MINPP1: variants seen among roughly 807,000 people sequenced by gnomAD.
MINPP1 encodes multiple inositol-polyphosphate phosphatase 1, also known as multiple inositol polyphosphate phosphatase 1.
Under a neutral mutation model 46.1 loss-of-function variants are expected in MINPP1, and 28 were observed. That is an observed-to-expected ratio of 0.61 (90% CI 0.45 to 0.83). The LOEUF is 0.83. Among genes scored for constraint, MINPP1 ranks in the 40% least tolerant of loss-of-function variants. The pLI, the probability that MINPP1 is intolerant of heterozygous loss-of-function variation, is 0.00. For synonymous variants in MINPP1, 268 were observed against 249.1 expected (o/e 1.08, Z -0.72); for missense variants, 603 against 610.0 (o/e 0.99, Z 0.12).
intron 1 of MINPP1, chr10:87,507,980 C>T (rs1851277525): frequency 1.5e-6 from 2 of 1,377,774 alleles, no homozygotes; most frequent in Non-Finnish European, 1.9e-6. Context: ...TGAATTCTCT[C>T]TCACCTTGTA....
chr10:87,520,992 A>C, intron 3 of MINPP1, 44 bp from the exon 4 acceptor site: 2 of 771,204 alleles, frequency 2.6e-6, no homozygotes, highest in Non-Finnish European at 4.4e-6. Context: ...GAATCTTGTT[A>C]TATTTTTGAA....
chr10:87,526,765 G>T (rs572318403), intron 4 of MINPP1, among the ~76,000 whole-genome samples: 1 of 152,244 alleles, frequency 6.6e-6, no homozygotes, highest in East Asian at 1.9e-4. Context: ...TCTACATATG[G>T]CTAGCCAGTT....
intron 3 of MINPP1, among the ~76,000 whole-genome samples, chr10:87,517,647 G>A (rs902860568): frequency 6.6e-6 from 1 of 151,982 alleles, no homozygotes; most frequent in Non-Finnish European, 1.5e-5. Context: ...TATCTTTTCA[G>A]TAGACATTGT....
rs541516359 is a variant in MINPP1 at position 87,542,341 on chromosome 10, ACT to A, written c.1068-9736_1068-9735del. On this transcript the variant is annotated intron_variant, in intron 4 of 4. Coordinates refer to ENST00000371996, the MANE Select transcript of MINPP1 (RefSeq NM_004897.5). Reference sequence around the variant, plus strand: ...TCTTTTTTTTTTTAAACAGAGTCTCACTCTCTTGGCCCAGGCTGCATGATCAC... The same window carrying A: ...TCTTTTTTTTTTTAAACAGAGTCTCACTCTTGGCCCAGGCTGCATGATCAC... Among the ~76,000 whole-genome samples the A allele has an allele frequency of 1.6e-4, 23 of 144,302 alleles. No individual in the cohort carries two copies. In the South Asian group the frequency reaches 5.1e-3, roughly 32 times the overall value. 94.7% of individuals were successfully genotyped at this position (144,302 alleles called of 152,430 possible).
intron 4 of MINPP1, among the ~76,000 whole-genome samples, chr10:87,535,766 A>G (rs1237782861): frequency 6.6e-6 from 1 of 151,612 alleles, no homozygotes. Flanking sequence ...TACCTCTACA[A>G]AAGAAAAAAA....
At chr10:87,547,136 G>C (rs921291928) in intron 4 of MINPP1, among the ~76,000 whole-genome samples, 1 of 151,998 alleles carries the variant, frequency 6.6e-6, no homozygotes, top group Non-Finnish European at 1.5e-5. Context: ...TTCCAAGACA[G>C]ATTCTTGCTC....
At chr10:87,512,330 C>G (rs148282167) in intron 2 of MINPP1, among the ~76,000 whole-genome samples, 46 of 152,250 alleles carry the variant, frequency 3.0e-4, no homozygotes, top group Non-Finnish European at 4.9e-4. Context: ...ATTTGAGCAG[C>G]TAAGTTTGAA....
chr10:87,532,812 T>C (rs561823506), intron 4 of MINPP1, among the ~76,000 whole-genome samples: 1 of 152,336 alleles, frequency 6.6e-6, no homozygotes, highest in South Asian at 2.1e-4. Context: ...TAATGGACTT[T>C]TAAAAGTAAT....
chr10:87,505,554 T>TGACCA lies in MINPP1; in HGVS notation c.637+6_637+7insAGACC. On this transcript the variant is annotated splice_region_variant and intron_variant, in intron 1 of 4. Transcript: ENST00000371996. This position sits in a 1 kb window ranked among gnomAD's most constrained non-coding sequence, Gnocchi z 4.4. Reference sequence around the variant, plus strand: ...GCTTGCCGCCGCCGGACGTCGCAGGTGACCCCCCGGGCGGCCCGTGTGCTG... The same window carrying TGACCA: ...GCTTGCCGCCGCCGGACGTCGCAGGTGACCAGACCCCCCGGGCGGCCCGTGTGCTG... 6.2e-7 allele frequency: 1 copy of TGACCA among 1,601,700 alleles called. No individual in the cohort carries two copies. The highest frequency in any genetic ancestry group is 8.5e-7 in the Non-Finnish European group (1 of 1,178,188).
chr10:87,550,877 G>C (rs1461814166), intron 4 of MINPP1, among the ~76,000 whole-genome samples: 2 of 151,966 alleles, frequency 1.3e-5, no homozygotes, highest in Non-Finnish European at 2.9e-5. Flanking sequence ...CTAGCCCCGG[G>C]CCTCACTGTA....
rs1278485413 is a variant in MINPP1 at position 87,505,414 on chromosome 10, G to C, written c.499G>C (p.Ala167Pro). The change falls in exon 1 of 5, where the codon GCC (alanine) becomes CCC (proline). Residue 167 changes from alanine to proline, a missense_variant. This residue lies in a region of MINPP1 where 344 missense variants were observed against 381.1 expected (regional missense o/e 0.90). Transcript: ENST00000371996. This position sits in a 1 kb window ranked among gnomAD's most constrained non-coding sequence, Gnocchi z 4.4. ...GCTGCGTCTGGCCTCGCTCTTCCCG[G>C]CCCTTTTCAGCCGTGAGAACTACGG... ...LALRLASLFP[A>P]LFSRENYGRL... The C allele has an allele frequency of 4.3e-6, 7 of 1,613,790 alleles. No homozygotes were observed. Among genetic ancestry groups the C allele is most frequent in the Non-Finnish European group, 5.9e-6 (7 of 1,179,900 alleles).
chr10:87,509,674 C>T (rs1266795404), intron 2 of MINPP1: 1 of 276,720 alleles, frequency 3.6e-6, no homozygotes, highest in South Asian at 3.4e-5. Context: ...TTTATATTAT[C>T]CCATGCCAGT....
At chr10:87,536,151 G>A (rs1027504495) in intron 4 of MINPP1, among the ~76,000 whole-genome samples, 2 of 152,076 alleles carry the variant, frequency 1.3e-5, no homozygotes, top group African/African-American at 4.8e-5. Context: ...AACCCACTAT[G>A]TTCAGGTTAT....
At chr10:87,509,079 G>A (rs1851297900) in intron 2 of MINPP1, among the ~76,000 whole-genome samples, 1 of 152,168 alleles carries the variant, frequency 6.6e-6, no homozygotes, top group African/African-American at 2.4e-5. Context: ...AAACTGGTGG[G>A]ACACTTTCGA....
intron 2 of MINPP1, among the ~76,000 whole-genome samples, chr10:87,508,758 A>G (rs1373864401): frequency 6.6e-6 from 1 of 152,140 alleles, no homozygotes; most frequent in Non-Finnish European, 1.5e-5. Context: ...ACAAGATTCT[A>G]GTTATATTCT....
At chr10:87,534,601 T>G (rs1178492070) in intron 4 of MINPP1, among the ~76,000 whole-genome samples, 1 of 152,208 alleles carries the variant, frequency 6.6e-6, no homozygotes, top group East Asian at 1.9e-4. Context: ...TTAAATCTGT[T>G]GTCATATCTA....
rs1851231925 is a variant in MINPP1, at chr10:87,505,539, G to C, written c.624G>C (p.Pro208=). ...LWQHYHPGLP[P]PDVADMEFGP... ...AGCACTACCACCCTGGCTTGCCGCC[G>C]CCGGACGTCGCAGGTGACCCCCCGG... The change falls in exon 1 of 5, where the codon CCG becomes CCC. Residue 208 remains proline, a synonymous_variant. Transcript: ENST00000371996. This position sits in a 1 kb window ranked among gnomAD's most constrained non-coding sequence, Gnocchi z 4.4. 4 of 1,606,292 alleles carry C rather than the reference G, an allele frequency of 2.5e-6. No individual in the cohort carries two copies. The highest frequency in any genetic ancestry group is 3.4e-6 in the Non-Finnish European group (4 of 1,179,034).
At chr10:87,531,418 G>C (rs1371362678) in intron 4 of MINPP1, among the ~76,000 whole-genome samples, 1 of 152,172 alleles carries the variant, frequency 6.6e-6, no homozygotes, top group East Asian at 1.9e-4. Flanking sequence ...TCCATTTTTG[G>C]TAGCTAGTAG....
Position 87,505,260 on chromosome 10 carries a change from G to A in MINPP1, c.345G>A (p.Arg115=). The change falls in exon 1 of 5, where the codon AGG becomes AGA. Residue 115 remains arginine, a synonymous_variant. Transcript: ENST00000371996. This position sits in a 1 kb window ranked among gnomAD's most constrained non-coding sequence, Gnocchi z 4.4. ...LHGLLQARGS[R]DGGASSTGSR... is the part of the protein sequence containing the mutation. ...GGTTGCTGCAGGCCCGCGGGTCCAGGGATGGCGGGGCTAGTAGTACCGGCA... is the reference window on the plus strand; with the variant it reads ...GGTTGCTGCAGGCCCGCGGGTCCAGAGATGGCGGGGCTAGTAGTACCGGCA... The A allele has an allele frequency of 6.2e-7, 1 of 1,612,220 alleles. No homozygotes were observed. Among genetic ancestry groups the A allele is most frequent in the Non-Finnish European group, 8.5e-7 (1 of 1,178,834 alleles).
Sources: gnomAD v4.1 joint callset for allele counts (sites outside exome capture counted in the v4.1 genomes callset) on GRCh38, gnomAD v4.1.1 for gene constraint, gnomAD v4.1.1 regional missense constraint, Gnocchi (gnomAD v3.1) non-coding constraint, MANE v1.5 for transcripts, NCBI Gene and HGNC (gene_info 2026-07-23, HGNC 2026-07-21) for gene names.